TBX20: variants seen among roughly 807,000 people sequenced by gnomAD.
TBX20 encodes T-box transcription factor TBX20.
Under a neutral mutation model 42.9 loss-of-function variants are expected in TBX20, and 8 were observed. The ratio of observed to expected loss-of-function variants is 0.19; its 90% CI spans 0.11 to 0.34. The LOEUF (loss-of-function observed/expected upper bound fraction) is 0.34, where lower values mean the gene tolerates loss of function less well. TBX20 is among the 10% of genes least tolerant of loss of function. TBX20 has a pLI of 1.00. For synonymous variants in TBX20, 198 were observed against 222.8 expected (o/e 0.89, Z 0.99); for missense variants, 411 against 566.0 (o/e 0.73, Z 2.78).
chr7:35,228,929 C>G (rs965271996), intron 6 of TBX20, among the ~76,000 whole-genome samples: 1 of 152,104 alleles, frequency 6.6e-6, no homozygotes, highest in Non-Finnish European at 1.5e-5. Flanking sequence ...AGGCTACACA[C>G]AAAGTGAGAC....
At chr7:35,216,743 T>A (rs1789597715) in intron 6 of TBX20, among the ~76,000 whole-genome samples, 3 of 152,210 alleles carry the variant, frequency 2.0e-5, no homozygotes, top group Admixed American at 2.0e-4. Context: ...AAATGTTATT[T>A]CAATTTACAT....
In TBX20 at chr7:35,240,980, C is replaced by G. The variant is rs754248307; in HGVS notation, c.712G>C (p.Asp238His). The G allele has an allele frequency of 6.8e-6, 11 of 1,613,642 alleles. No homozygotes were observed. The highest frequency in any genetic ancestry group is 9.3e-6 in the Non-Finnish European group (11 of 1,179,734). Reference sequence around the variant, plus strand: ...AGGTTGAGCAATGAGGCTGTGTGGTCTTTCTTCTTAATGATGTGCACCCTT... The same window carrying G: ...AGGTTGAGCAATGAGGCTGTGTGGTGTTTCTTCTTAATGATGTGCACCCTT... The part of the protein sequence containing the change: ...QPRVHIIKKK[D>H]HTASLLNLKS... Residue 238 changes from aspartate to histidine, a missense_variant, in exon 5 of 8, where the codon GAC (aspartate) becomes CAC (histidine). By Grantham distance (81) the Asp-to-His change is moderately conservative. Coordinates refer to ENST00000408931, the MANE Select transcript of TBX20 (RefSeq NM_001077653.2).
intron 6 of TBX20, among the ~76,000 whole-genome samples, chr7:35,229,689 C>T (rs1360946476): frequency 6.6e-6 from 1 of 152,134 alleles, no homozygotes; most frequent in African/African-American, 2.4e-5. Context: ...TGTGCAACTA[C>T]AAGGCTATTT....
At chr7:35,218,167 G>T (rs1430299347) in intron 6 of TBX20, among the ~76,000 whole-genome samples, 1 of 152,040 alleles carries the variant, frequency 6.6e-6, no homozygotes, top group South Asian at 2.1e-4. Flanking sequence ...ATCTATATCT[G>T]GGCTTTGGTA....
chr7:35,220,135 G>A lies in TBX20; in HGVS notation c.890+11369C>T, dbSNP rs149826656. On this transcript the variant is annotated intron_variant, in intron 6 of 7. Coordinates refer to ENST00000408931, the MANE Select transcript of TBX20 (RefSeq NM_001077653.2). ...GTAAGGAGTAAGGGCAGCACCAGCC[G>A]GCATGCCATCCATCAGCACATAAGG... is the stretch of plus-strand genomic sequence containing the variant. Among the ~76,000 whole-genome samples the A allele has an allele frequency of 4.3e-3, 651 of 152,244 alleles. 5 individuals are homozygous for A. Among genetic ancestry groups the A allele is most frequent in the Non-Finnish European group, 7.0e-3 (476 of 68,022 alleles).
chr7:35,229,909 C>G (rs373925442), intron 6 of TBX20, among the ~76,000 whole-genome samples: 1 of 152,166 alleles, frequency 6.6e-6, no homozygotes, highest in South Asian at 2.1e-4. Context: ...TCTAGATGAG[C>G]GTACAGACTC....
chr7:35,204,913 G>A (rs1191179678), intron 6 of TBX20, among the ~76,000 whole-genome samples: 3 of 152,132 alleles, frequency 2.0e-5, no homozygotes, highest in African/African-American at 4.8e-5. Flanking sequence ...GAAAAATAAT[G>A]AGTGAATGAA....
At chr7:35,208,294 T>C (rs1789433968) in intron 6 of TBX20, among the ~76,000 whole-genome samples, 1 of 152,220 alleles carries the variant, frequency 6.6e-6, no homozygotes, top group African/African-American at 2.4e-5. Context: ...CACTTATTTG[T>C]TCTAGTGGGT....
chr7:35,220,811 A>C (rs1789669723), intron 6 of TBX20, among the ~76,000 whole-genome samples: 1 of 152,248 alleles, frequency 6.6e-6, no homozygotes, highest in Non-Finnish European at 1.5e-5. Context: ...AAGAAACAGA[A>C]GGACACATTT....
Position 35,253,391 on chromosome 7 carries a change from T to C in TBX20, c.127+103A>G, listed in dbSNP as rs1790342048. 171 of 1,373,982 alleles carry C rather than the reference T, an allele frequency of 1.2e-4. 4 individuals are homozygous for C. In the South Asian group the frequency reaches 2.0e-3, roughly 16 times the overall value. The allele number at this position is 1,373,982 out of a possible 1,614,324, so 85.1% of individuals were successfully genotyped here. ...TCTCCCACCCGCGATGTATGGCTCA[T>C]GGCTTGAGCATCAGACGTTGCTGCG... On this transcript the variant is annotated intron_variant, in intron 1 of 7. Transcript: ENST00000408931.
chr7:35,207,140 T>G (rs572720349), intron 6 of TBX20, among the ~76,000 whole-genome samples: 6 of 152,252 alleles, frequency 3.9e-5, no homozygotes, highest in Non-Finnish European at 8.8e-5. Flanking sequence ...CATCAGTGTA[T>G]GAGAACTCCA....
chr7:35,221,639 A>G (rs1254333053), intron 6 of TBX20, among the ~76,000 whole-genome samples: 1 of 152,224 alleles, frequency 6.6e-6, no homozygotes, highest in African/African-American at 2.4e-5. Context: ...ATGTTCATAC[A>G]TAACGGCAAT....
Position 35,253,635 on chromosome 7 carries a change from G to T in TBX20, c.-15C>A. 6.2e-7 allele frequency: 1 copy of T among 1,609,648 alleles called. No individual in the cohort carries two copies. Among genetic ancestry groups the T allele is most frequent in the Non-Finnish European group, 8.5e-7 (1 of 1,178,838 alleles). On this transcript the variant is annotated 5_prime_UTR_variant, in exon 1 of 8. Coordinates refer to ENST00000408931, the MANE Select transcript of TBX20 (RefSeq NM_001077653.2). The stretch of plus-strand genomic sequence containing the variant: ...GTGAACTCCATGGTCCCCAGCACGC[G>T]GTCCTGGCCAGGGACGGGGTCGTCC...
In TBX20 at chr7:35,253,788, G is replaced by T. The variant is rs1790355493; in HGVS notation, c.-168C>A. 1.2e-6 allele frequency: 1 copy of T among 805,310 alleles called. No homozygotes were observed. Among genetic ancestry groups the T allele is most frequent in the Non-Finnish European group, 1.9e-6 (1 of 522,362 alleles). 49.9% of individuals were successfully genotyped at this position (805,310 alleles called of 1,614,324 possible). Reference sequence around the variant, plus strand: ...CCAACGACTCCAGAGCTGCACACTGGCCTCTATTCCCCACCGCAAAGCCCC... The same window carrying T: ...CCAACGACTCCAGAGCTGCACACTGTCCTCTATTCCCCACCGCAAAGCCCC... On this transcript the variant is annotated 5_prime_UTR_variant, in exon 1 of 8. Transcript: ENST00000408931.
chr7:35,239,814 A>C (rs535641610), intron 5 of TBX20, among the ~76,000 whole-genome samples: 8 of 151,472 alleles, frequency 5.3e-5, no homozygotes, highest in Non-Finnish European at 1.0e-4. Context: ...TGCAGTGGTG[A>C]GATCTCTGCT....
At chr7:35,251,174 C>T (rs1361275165) in intron 1 of TBX20, among the ~76,000 whole-genome samples, 1 of 152,160 alleles carries the variant, frequency 6.6e-6, no homozygotes, top group Non-Finnish European at 1.5e-5. Context: ...GTAATTGTCC[C>T]AATTATCTTC....
rs1455645212 is a variant in TBX20 at position 35,253,840 on chromosome 7, C to A, written c.-220G>T. On this transcript the variant is annotated 5_prime_UTR_variant, in exon 1 of 8. Coordinates refer to ENST00000408931, the MANE Select transcript of TBX20 (RefSeq NM_001077653.2). ...GAGCCGCAGAGACTTCGAAGGCAGC[C>A]GGAGAGGAGAGGGCCCACCGAGCAC... is the stretch of plus-strand genomic sequence containing the variant. The A allele has an allele frequency of 8.5e-6, 5 of 590,452 alleles. No individual in the cohort carries two copies. The highest frequency in any genetic ancestry group is 2.2e-5 in the South Asian group (1 of 45,412). 36.6% of individuals were successfully genotyped at this position (590,452 alleles called of 1,614,324 possible).
chr7:35,244,633 C>G (rs533394058), intron 4 of TBX20, among the ~76,000 whole-genome samples: 1 of 152,324 alleles, frequency 6.6e-6, no homozygotes, highest in South Asian at 2.1e-4. Flanking sequence ...CAGGCTGTAG[C>G]AGCCTCCAAA....
chr7:35,226,368 C>G (rs1789770335), intron 6 of TBX20, among the ~76,000 whole-genome samples: 2 of 143,332 alleles, frequency 1.4e-5, no homozygotes, highest in Non-Finnish European at 1.5e-5. Context: ...ACATAAGTAG[C>G]TTTTACAGCT....
Sources: allele counts gnomAD v4.1 joint callset (sites outside exome capture counted in the v4.1 genomes callset), GRCh38; gene constraint gnomAD v4.1.1; transcripts MANE v1.5; gene names NCBI Gene and HGNC (gene_info 2026-07-23, HGNC 2026-07-21).